STPG2: variants seen among roughly 807,000 people sequenced by gnomAD.
STPG2 encodes the protein sperm tail PG-rich repeat containing 2.
In STPG2, 56 loss-of-function variants were observed where a neutral mutation model predicts 54.2. That is an observed-to-expected ratio of 1.03 (90% confidence interval 0.83 to 1.29). The LOEUF (loss-of-function observed/expected upper bound fraction) is 1.29, where lower values mean the gene tolerates loss of function less well. Among genes scored for constraint, STPG2 ranks in the 50% most tolerant of loss-of-function variants. The probability of loss-of-function intolerance (pLI) is 0.00; values close to 1 mark genes in which losing one functional copy is unlikely to be tolerated. For missense variants in STPG2, 596 were observed against 544.9 expected (o/e 1.09, Z -0.93); for synonymous variants, 200 against 181.8 (o/e 1.10, Z -0.81).
chr4:97,944,624 T>C (rs2149233241), intron 7 of STPG2, among the ~76,000 whole-genome samples: 1 of 152,302 alleles, frequency 6.6e-6, no homozygotes, highest in East Asian at 1.9e-4. Context: ...ACATCCTTTG[T>C]ATATGCAAAA....
In STPG2 at chr4:97,485,464, G is replaced by T. The variant is rs558165616; in HGVS notation, c.462+227235C>A. On this transcript the variant is annotated intron_variant, in intron 4 of 4. Transcript: ENST00000522676. ...GAACTCAACCCCTTTTACAATAGCT[G>T]CAAAAAACAAAAAACTTAGGAATAT... 2.1e-4 allele frequency among the ~76,000 whole-genome samples: 32 copies of T among 151,340 alleles called. No homozygotes were observed. The South Asian group carries it at 6.0e-3, about 28-fold the overall frequency.
At chr4:98,066,687 G>A (rs924749580) in intron 5 of STPG2, among the ~76,000 whole-genome samples, 6 of 152,010 alleles carry the variant, frequency 3.9e-5, no homozygotes, top group South Asian at 2.1e-4. Flanking sequence ...GAAAAAAGAC[G>A]GCAAAAATGA....
At chr4:97,842,483 C>A (rs554290087) in intron 8 of STPG2, among the ~76,000 whole-genome samples, 5 of 151,908 alleles carry the variant, frequency 3.3e-5, no homozygotes, top group African/African-American at 7.2e-5. Flanking sequence ...GAAAGCTTTG[C>A]GAAGATCTTG....
intron 10 of STPG2, among the ~76,000 whole-genome samples, chr4:97,668,979 T>C (rs1560710868): frequency 6.6e-6 from 1 of 151,986 alleles, no homozygotes; most frequent in African/African-American, 2.4e-5. Flanking sequence ...TAGGCTGGCA[T>C]TTAAGCAGCA....
At chr4:98,114,753 ATTTTTTT>A (rs33980852) in intron 3 of STPG2, among the ~76,000 whole-genome samples, 12,114 of 145,954 alleles carry the variant, frequency 0.083, 548 homozygotes, top group Middle Eastern at 0.12. Flanking sequence ...AATAATATCC[ATTTTTTT>A]TTTTTTGTGT....
Position 98,038,665 on chromosome 4 carries a change from A to G in STPG2, c.613-57347T>C, listed in dbSNP as rs368185906. Among the ~76,000 whole-genome samples, 4 of 152,202 alleles carry G rather than the reference A, an allele frequency of 2.6e-5. No homozygotes were observed. In the East Asian group the frequency reaches 7.7e-4, roughly 29 times the overall value. On this transcript the variant is annotated intron_variant, in intron 5 of 10. Transcript: ENST00000295268. Reference sequence around the variant, plus strand: ...AAAAATATTTCTCAAAAAAGATACCAAAAAATAAAACCTGTGAATAAAAAA... The same window carrying G: ...AAAAATATTTCTCAAAAAAGATACCGAAAAATAAAACCTGTGAATAAAAAA...
At chr4:97,445,702 T>A (rs567284557) in intron 4 of STPG2, among the ~76,000 whole-genome samples, 3 of 152,316 alleles carry the variant, frequency 2.0e-5, no homozygotes, top group Admixed American at 2.0e-4. Context: ...GTCTATGGCA[T>A]GAATAAACTG....
chr4:97,457,916 A>T (rs1729569022), intron 4 of STPG2, among the ~76,000 whole-genome samples: 1 of 152,228 alleles, frequency 6.6e-6, no homozygotes, highest in African/African-American at 2.4e-5. Flanking sequence ...TGAAAGAACT[A>T]AACTTTAACA....
intron 4 of STPG2, among the ~76,000 whole-genome samples, chr4:97,526,878 T>A (rs567620094): frequency 1.2e-4 from 18 of 152,244 alleles, no homozygotes; most frequent in Admixed American, 6.6e-4. Flanking sequence ...GAATGGAGTT[T>A]CAGTTTTCTG....
intron 5 of STPG2, among the ~76,000 whole-genome samples, chr4:97,994,116 G>T (rs561323994): frequency 2.0e-5 from 3 of 151,720 alleles, no homozygotes; most frequent in Non-Finnish European, 4.4e-5. Context: ...CCTGATTTTT[G>T]TTACTTCTTT....
intron 4 of STPG2, among the ~76,000 whole-genome samples, chr4:97,516,884 G>A (rs893518599): frequency 1.3e-5 from 2 of 151,718 alleles, no homozygotes; most frequent in African/African-American, 4.8e-5. Context: ...CCTGGAGAGA[G>A]CATATATTCA....
chr4:97,768,502 T>C (rs1161789422), intron 9 of STPG2, among the ~76,000 whole-genome samples: 1 of 152,134 alleles, frequency 6.6e-6, no homozygotes, highest in East Asian at 1.9e-4. Flanking sequence ...TAATAAGGTA[T>C]AGGAGGAGTC....
At chr4:98,107,354 ACT>A (rs1409283589) in intron 4 of STPG2, among the ~76,000 whole-genome samples, 4 of 56,766 alleles carry the variant, frequency 7.0e-5, no homozygotes, top group African/African-American at 3.2e-4. Flanking sequence ...AACTGAGACA[ACT>A]ACAAGTCAAA....
chr4:97,717,863 C>T (rs748525058), intron 9 of STPG2, among the ~76,000 whole-genome samples: 6 of 151,962 alleles, frequency 3.9e-5, no homozygotes, highest in Non-Finnish European at 8.8e-5. Context: ...AACAGAATTA[C>T]CAAATAATAA....
chr4:97,904,480 T>C (rs1208822956), intron 8 of STPG2, among the ~76,000 whole-genome samples: 1 of 152,008 alleles, frequency 6.6e-6, no homozygotes, highest in African/African-American at 2.4e-5. Context: ...AGACCAAAAG[T>C]AGATAAAACC....
intron 9 of STPG2, among the ~76,000 whole-genome samples, chr4:97,763,753 T>C (rs1335200414): frequency 2.0e-5 from 3 of 152,172 alleles, no homozygotes; most frequent in Non-Finnish European, 4.4e-5. Flanking sequence ...GGGGAATTCA[T>C]TCCATGTGAT....
chr4:98,065,909 C>T (rs899424160), intron 5 of STPG2, among the ~76,000 whole-genome samples: 2 of 152,034 alleles, frequency 1.3e-5, no homozygotes, highest in Non-Finnish European at 2.9e-5. Context: ...GATACACCTA[C>T]CTAGAGAAGT....
chr4:98,015,204 A>C (rs1375279481), intron 5 of STPG2, among the ~76,000 whole-genome samples: 1 of 152,188 alleles, frequency 6.6e-6, no homozygotes, highest in Non-Finnish European at 1.5e-5. Context: ...AAAATAGACA[A>C]ATGGGATCTA....
chr4:97,868,655 G>A (rs72686436), intron 8 of STPG2, among the ~76,000 whole-genome samples: 24,467 of 151,596 alleles, frequency 0.16, 2,145 homozygotes, highest in East Asian at 0.36. Context: ...TACATTTTCT[G>A]GGTTTGTGCC....
Sources: gnomAD v4.1 joint callset for allele counts (sites outside exome capture counted in the v4.1 genomes callset) on GRCh38, gnomAD v4.1.1 for gene constraint, MANE v1.5 for transcripts, NCBI Gene and HGNC (gene_info 2026-07-23, HGNC 2026-07-21) for gene names.